The following TRPA1 variants were observed in gnomAD, a reference collection of about 807,000 sequenced individuals.
TRPA1 encodes the protein ankyrin-like with transmembrane domains 1.
Under a neutral mutation model 131.3 loss-of-function variants are expected in TRPA1, and 129 were observed. The ratio of observed to expected loss-of-function variants is 0.98; its 90% CI spans 0.85 to 1.14. TRPA1 has a LOEUF of 1.14. TRPA1 is among the 50% of genes most tolerant of loss of function. The pLI, the probability that TRPA1 is intolerant of heterozygous loss-of-function variation, is 0.00. For missense variants in TRPA1, 1,304 were observed against 1,354.2 expected (o/e 0.96, Z 0.58); for synonymous variants, 441 against 451.7 (o/e 0.98, Z 0.30).
chr8:72,048,337 C>T (rs2129434796), intron 15 of TRPA1, among the ~76,000 whole-genome samples: 1 of 152,172 alleles, frequency 6.6e-6, no homozygotes, highest in Middle Eastern at 3.4e-3. Flanking sequence ...CCTGGGGCAT[C>T]TGGTGAACCT....
intron 20 of TRPA1, 126 bp downstream of exon 20, chr8:72,037,857 T>C (rs1404425791): frequency 1.5e-6 from 1 of 668,504 alleles, no homozygotes; most frequent in African/African-American, 1.8e-5. Context: ...GTGTTTCTAA[T>C]CTATATGGTA....
rs1805818391 is a variant in TRPA1, at chr8:72,061,865, A to G, written c.808-104T>C. The G allele has an allele frequency of 2.5e-6, 3 of 1,207,216 alleles. No homozygotes were observed. In the African/African-American group the frequency reaches 4.5e-5, roughly 18 times the overall value. The allele number at this position is 1,207,216 out of a possible 1,614,324, so 74.8% of individuals were successfully genotyped here. On this transcript the variant is annotated intron_variant, in intron 6 of 26. Transcript: ENST00000262209. Reference sequence around the variant, plus strand: ...TCTTCCCAGGTTCATAAAATCAAGGAATATCTATCAGGCTGATCACCATTA... The same window carrying G: ...TCTTCCCAGGTTCATAAAATCAAGGGATATCTATCAGGCTGATCACCATTA...
At chr8:72,030,261 G>C (rs986550813) in intron 23 of TRPA1, among the ~76,000 whole-genome samples, 5 of 152,152 alleles carry the variant, frequency 3.3e-5, no homozygotes, top group African/African-American at 1.2e-4. Context: ...TCTTTTATAA[G>C]GGAACTAATT....
intron 20 of TRPA1, 89 bp downstream of exon 20, chr8:72,037,894 A>G (rs1812110042): frequency 2.5e-6 from 2 of 785,934 alleles, no homozygotes; most frequent in Admixed American, 2.0e-5. Flanking sequence ...TTATTATGAC[A>G]TAATATCTCA....
rs1229465860 is a variant in TRPA1 at position 72,029,983 on chromosome 8, C to T, written c.2869-14G>A. The T allele has an allele frequency of 2.5e-6, 4 of 1,611,790 alleles. No individual in the cohort carries two copies. The East Asian group carries it at 8.9e-5, about 36-fold the overall frequency. On this transcript the variant is annotated splice_polypyrimidine_tract_variant and intron_variant, in intron 23 of 26. Coordinates refer to ENST00000262209, the MANE Select transcript of TRPA1 (RefSeq NM_007332.3). ...TGCCAAACCAATCTGAAGTATGACA[C>T]AAAATTAAATCACTACAGTTGAATG...
chr8:72,045,240 A>G (rs1266663208), intron 17 of TRPA1, among the ~76,000 whole-genome samples: 1 of 151,880 alleles, frequency 6.6e-6, no homozygotes, highest in Admixed American at 6.6e-5. Flanking sequence ...TGCATTCTCC[A>G]TACTCCAAGT....
intron 7 of TRPA1, among the ~76,000 whole-genome samples, chr8:72,060,663 C>G (rs16919251): frequency 0.39 from 58,537 of 151,678 alleles, 11,903 homozygotes; most frequent in East Asian, 0.63. Context: ...TTGGAATGCC[C>G]TATTATTTCT....
chr8:72,051,241 C>A (rs2129435060), intron 14 of TRPA1, among the ~76,000 whole-genome samples: 1 of 152,284 alleles, frequency 6.6e-6, no homozygotes, highest in African/African-American at 2.4e-5. Context: ...ATTCACATGC[C>A]TACACCATCA....
rs1291668310 is a variant in TRPA1 at position 72,037,995 on chromosome 8, T to A, written c.2373A>T (p.Gln791His). The change falls in exon 20 of 27, where the codon CAA becomes CAT. Residue 791 changes from glutamine (Q) to histidine (H), a missense_variant. Physicochemically the swap from Gln to His is conservative, Grantham distance 24 (BLOSUM62 0). Transcript: ENST00000262209. Reference sequence around the variant, plus strand: ...ATGTATTACATACCTGTTGGAAAATTTGCCCCGCTTCTTTGCAATACCCAA... The same window carrying A: ...ATGTATTACATACCTGTTGGAAAATATGCCCCGCTTCTTTGCAATACCCAA... ...SIFGYCKEAG[Q>H]IFQQKRNYFM... 1 of 1,598,016 alleles carries A rather than the reference T, an allele frequency of 6.3e-7. No homozygotes were observed. Among genetic ancestry groups the A allele is most frequent in the East Asian group, 2.2e-5 (1 of 44,574 alleles).
At chr8:72,032,570 C>T (rs543123959) in intron 23 of TRPA1, among the ~76,000 whole-genome samples, 1 of 152,254 alleles carries the variant, frequency 6.6e-6, no homozygotes, top group East Asian at 1.9e-4. Context: ...CCAGGATATC[C>T]AGGTAGAGAT....
chr8:72,069,684 T>C (rs10106543), intron 2 of TRPA1, among the ~76,000 whole-genome samples: 59,082 of 151,420 alleles, frequency 0.39, 12,159 homozygotes, highest in East Asian at 0.63. Context: ...AGTAAGGAAG[T>C]ATGAAAGTTA....
intron 13 of TRPA1, chr8:72,052,969 G>GTGTGTA (rs545068688): frequency 9.6e-6 from 3 of 312,056 alleles, no homozygotes; most frequent in Non-Finnish European, 1.8e-5. Context: ...GTGGATCTGT[G>GTGTGTA]TGTGTGTGTG....
chr8:72,043,664 C>CTGTT (rs1193382453), intron 17 of TRPA1, among the ~76,000 whole-genome samples: 1 of 151,720 alleles, frequency 6.6e-6, no homozygotes, highest in Admixed American at 6.6e-5. Context: ...TCGGAAATAA[C>CTGTT]TGTTAGATAG....
At chr8:72,052,994 T>TGTGTGTGTGTGTGTGTGTGATAGAGA (rs1491537785) in intron 13 of TRPA1, 1 of 330,302 alleles carries the variant, frequency 3.0e-6, no homozygotes, top group Non-Finnish European at 5.5e-6. Context: ...TGTGTGTGTG[T>TGTGTGTGTGTGTGTGTGTGATAGAGA]GAGAGATAGA....
chr8:72,052,881 C>T, intron 13 of TRPA1, 116 bp from the exon 14 acceptor site: 1 of 1,189,968 alleles, frequency 8.4e-7, no homozygotes, highest in Non-Finnish European at 1.2e-6. Context: ...ATACATAGCA[C>T]TTAAAACTGG....
chr8:72,063,791 T>C (rs535863545), intron 4 of TRPA1, among the ~76,000 whole-genome samples: 1 of 152,332 alleles, frequency 6.6e-6, no homozygotes, highest in South Asian at 2.1e-4. Flanking sequence ...GAAGTAACAA[T>C]GTAGACACAA....
intron 3 of TRPA1, among the ~76,000 whole-genome samples, chr8:72,066,867 C>T (rs1310606639): frequency 1.3e-5 from 2 of 152,206 alleles, no homozygotes; most frequent in Non-Finnish European, 2.9e-5. Context: ...CAAATTCAGT[C>T]ATGACCAGGC....
At chr8:72,066,873 C>A (rs1805943631) in intron 3 of TRPA1, among the ~76,000 whole-genome samples, 1 of 152,126 alleles carries the variant, frequency 6.6e-6, no homozygotes. Flanking sequence ...CAGTCATGAC[C>A]AGGCAAGTCT....
At position 72,052,614 on chromosome 8, in the gene TRPA1, A is replaced by T. The variant is rs745749488; in HGVS notation, c.1796T>A (p.Ile599Asn). 1 of 1,613,616 alleles carries T rather than the reference A, an allele frequency of 6.2e-7. No homozygotes were observed. Among genetic ancestry groups the T allele is most frequent in the South Asian group, 1.1e-5 (1 of 91,074 alleles). The change falls in exon 14 of 27, where the codon ATC (isoleucine) becomes AAC (asparagine). Residue 599 changes from isoleucine to asparagine, a missense_variant. By Grantham distance (149) the Ile-to-Asn change is moderately radical. Coordinates refer to ENST00000262209, the MANE Select transcript of TRPA1 (RefSeq NM_007332.3). Reference sequence around the variant, plus strand: ...GACAGTGTACCTTTTGCTCCTGATGATCGTAAGAACAACCTCCTTCCTCTT... The same window carrying T: ...GACAGTGTACCTTTTGCTCCTGATGTTCGTAAGAACAACCTCCTTCCTCTT... ...HNKRKEVVLTIIRSKRWDECL... is the reference protein window; with the variant it reads ...HNKRKEVVLTNIRSKRWDECL...
Sources: allele counts gnomAD v4.1 joint callset (sites outside exome capture counted in the v4.1 genomes callset), GRCh38; gene constraint gnomAD v4.1.1; transcripts MANE v1.5; gene names NCBI Gene and HGNC (gene_info 2026-07-23, HGNC 2026-07-21).